The following TM9SF4 variants were observed in gnomAD, a reference collection of about 807,000 sequenced individuals.
TM9SF4 encodes the protein dinucleotide oxidase disulfide thiol exchanger 3 superfamily member 4.
In TM9SF4, 26 loss-of-function variants were observed where a neutral mutation model predicts 90.4. The observed-to-expected ratio is 0.29, with a 90% CI of 0.21 to 0.40. The LOEUF (loss-of-function observed/expected upper bound fraction) is 0.40. Ranked by LOEUF, TM9SF4 falls within the 10% of genes least tolerant of loss-of-function variation. The pLI is 1.00. For synonymous variants in TM9SF4, 293 were observed against 315.4 expected, an observed-to-expected ratio of 0.93 and a Z score of 0.75; for missense variants, 549 against 834.8, an observed-to-expected ratio of 0.66 and a Z score of 4.22.
intron 15 of TM9SF4, among the ~76,000 whole-genome samples, chr20:32,158,937 G>A (rs959573292): frequency 8.6e-5 from 13 of 151,082 alleles, no homozygotes; most frequent in East Asian, 1.9e-4. Flanking sequence ...AGCCAAGATC[G>A]CGCCACTGCA....
At position 32,149,640 on chromosome 20, in the gene TM9SF4, A is replaced by G; in HGVS notation, c.961A>G (p.Thr321Ala). The part of the protein sequence containing the change: ...NYNKEDDIED[T>A]MEESGWKLVH... The stretch of plus-strand genomic sequence containing the variant: ...CTCTGGCCCTTCGCTGCAGGAAGAC[A>G]CCATGGAGGAGTCTGGGTGGAAGTT... The change falls in exon 10 of 18, where the codon ACC becomes GCC. Residue 321 changes from threonine to alanine, a missense_variant. By Grantham distance (58) the Thr-to-Ala change is moderately conservative. This residue lies in a region of TM9SF4 where 495 missense variants were observed against 711.7 expected (regional missense o/e 0.70). Coordinates refer to ENST00000398022, the MANE Select transcript of TM9SF4 (RefSeq NM_014742.4). 2 of 1,614,124 alleles carry G rather than the reference A, an allele frequency of 1.2e-6. No individual in the cohort carries two copies. Among genetic ancestry groups the G allele is most frequent in the Non-Finnish European group, 1.7e-6 (2 of 1,180,016 alleles).
At position 32,123,866 on chromosome 20, in the gene TM9SF4, A is replaced by ATATATATTT; in HGVS notation, c.16-9146_16-9145insATATATTTT. Among the ~76,000 whole-genome samples the ATATATATTT allele has an allele frequency of 2.7e-4, 25 of 93,956 alleles. 1 individual carries two copies. Among genetic ancestry groups the ATATATATTT allele is most frequent in the East Asian group, 7.4e-4 (1 of 1,360 alleles). 61.6% of individuals were successfully genotyped at this position (93,956 alleles called of 152,430 possible). A position where few individuals can be genotyped will look rare whatever the true frequency, so the allele number is the denominator to read the frequency against. ...CTCTCATATATATATATATATATAT[A>ATATATATTT]TTTTTTTTTTTAAAGAGATAGGGTC... is the stretch of plus-strand genomic sequence containing the variant. On this transcript the variant is annotated intron_variant, in intron 1 of 17. Coordinates refer to ENST00000398022, the MANE Select transcript of TM9SF4 (RefSeq NM_014742.4).
chr20:32,150,743 C>T (rs1041269154), intron 11 of TM9SF4, 40 bp downstream of exon 11: 4 of 1,614,102 alleles, frequency 2.5e-6, no homozygotes, highest in Admixed American at 1.7e-5. Flanking sequence ...CGGCACAGGC[C>T]TCCTCCACAC....
Position 32,149,738 on chromosome 20 carries a change from G to A in TM9SF4, c.1059G>A (p.Gln353=). The change falls in exon 10 of 18, where the codon CAG becomes CAA. Residue 353 remains glutamine (Q), a synonymous_variant. Transcript: ENST00000398022. ...GCTCCCTGCTGGGCTCAGGCATTCA[G>A]CTGTTCTGTATGATCCTCATCGTCA... is the stretch of plus-strand genomic sequence containing the variant. ...ILSSLLGSGI[Q]LFCMILIVIF... is the part of the protein sequence containing the mutation. 6.2e-7 allele frequency: 1 copy of A among 1,614,212 alleles called. No individual in the cohort carries two copies. Among genetic ancestry groups the A allele is most frequent in the Non-Finnish European group, 8.5e-7 (1 of 1,180,038 alleles).
intron 16 of TM9SF4, 21 bp from the exon 17 acceptor site, chr20:32,161,255 C>G (rs1270923214): frequency 3.7e-6 from 6 of 1,610,952 alleles, no homozygotes; most frequent in Non-Finnish European, 5.1e-6. Context: ...CAACACTGAC[C>G]TTCCTCTGTT....
intron 2 of TM9SF4, among the ~76,000 whole-genome samples, chr20:32,134,001 AT>A (rs1197920836): frequency 6.9e-6 from 1 of 145,948 alleles, no homozygotes; most frequent in Non-Finnish European, 1.5e-5. Flanking sequence ...TTAAGTAGAG[AT>A]GAGGTCTCAC....
intron 13 of TM9SF4, among the ~76,000 whole-genome samples, chr20:32,156,132 A>G (rs1375801024): frequency 1.3e-5 from 2 of 152,222 alleles, no homozygotes; most frequent in African/African-American, 4.8e-5. Flanking sequence ...CTTTTTATAG[A>G]TATACTTACA....
At chr20:32,122,122 A>C (rs1600784297) in intron 1 of TM9SF4, among the ~76,000 whole-genome samples, 2 of 105,530 alleles carry the variant, frequency 1.9e-5, no homozygotes, top group African/African-American at 4.0e-5. Flanking sequence ...GGCGCCCCTC[A>C]CCTCCCAGAC....
rs1056087197 is a variant in TM9SF4, at chr20:32,165,589, G to C, written c.*145G>C. 4.1e-6 allele frequency: 4 copies of C among 964,122 alleles called. No individual in the cohort carries two copies. The highest frequency in any genetic ancestry group is 3.1e-4 in the Middle Eastern group (1 of 3,200). The allele number at this position is 964,122 out of a possible 1,614,324, so 59.7% of individuals were successfully genotyped here. On this transcript the variant is annotated 3_prime_UTR_variant, in exon 18 of 18. Transcript: ENST00000398022. ...GTGTTCCTGGATCCTGGGGCTGCGT[G>C]GGGGGCGGGAGGGCCTGTAGATAAT...
At chr20:32,145,258 T>G (rs2046746896) in intron 7 of TM9SF4, 49 bp downstream of exon 7, 1 of 1,612,734 alleles carries the variant, frequency 6.2e-7, no homozygotes, top group African/African-American at 1.3e-5. Context: ...CTCTGGTCTG[T>G]GTCAGGTTCT....
intron 6 of TM9SF4, among the ~76,000 whole-genome samples, chr20:32,144,806 C>T (rs548473616): frequency 7.2e-5 from 11 of 152,190 alleles, no homozygotes; most frequent in East Asian, 1.9e-4. Context: ...CCAGCTACTC[C>T]GGAAGCTGAA....
At chr20:32,164,766 C>A (rs1463525398) in intron 17 of TM9SF4, among the ~76,000 whole-genome samples, 1 of 152,178 alleles carries the variant, frequency 6.6e-6, no homozygotes, top group Admixed American at 6.5e-5. Flanking sequence ...CACAGATCCC[C>A]AGCATCTCTG....
At chr20:32,161,899 A>G (rs964155264) in intron 17 of TM9SF4, among the ~76,000 whole-genome samples, 3 of 152,172 alleles carry the variant, frequency 2.0e-5, no homozygotes, top group Admixed American at 1.3e-4. Context: ...AGGATGGGAA[A>G]GTTTTTCACA....
At chr20:32,156,360 C>T (rs1247363823) in intron 13 of TM9SF4, among the ~76,000 whole-genome samples, 1 of 152,134 alleles carries the variant, frequency 6.6e-6, no homozygotes, top group Non-Finnish European at 1.5e-5. Context: ...TTGGTATAGG[C>T]CTTTCCAGGC....
In TM9SF4 at chr20:32,141,777, A is replaced by G; in HGVS notation, c.410A>G (p.Asn137Ser). ...CCTTCACTTTCCAGCATTGCTGACA[A>G]CCTGCCTGTGGCCACCCGGCTGGAG... Reference protein sequence around the residue: ...EDYYVHLIADNLPVATRLELY... With the variant: ...EDYYVHLIADSLPVATRLELY... Residue 137 changes from asparagine to serine, a missense_variant, in exon 5 of 18, where the codon AAC becomes AGC. This residue lies in a region of TM9SF4 where 495 missense variants were observed against 711.7 expected (regional missense o/e 0.70). Transcript: ENST00000398022. 1 of 1,614,104 alleles carries G rather than the reference A, an allele frequency of 6.2e-7. No homozygotes were observed. The highest frequency in any genetic ancestry group is 8.5e-7 in the Non-Finnish European group (1 of 1,180,014).
At chr20:32,113,400 T>A (rs903594498) in intron 1 of TM9SF4, among the ~76,000 whole-genome samples, 3 of 152,170 alleles carry the variant, frequency 2.0e-5, no homozygotes, top group African/African-American at 7.2e-5. Context: ...CCTGTCTTCT[T>A]CCATCCTTAG....
At chr20:32,115,767 A>T (rs1007403638) in intron 1 of TM9SF4, among the ~76,000 whole-genome samples, 4 of 146,752 alleles carry the variant, frequency 2.7e-5, no homozygotes, top group African/African-American at 1.0e-4. Flanking sequence ...CTTATATTAA[A>T]ATTTTTTATT....
chr20:32,120,435 T>G (rs1353559206), intron 1 of TM9SF4, among the ~76,000 whole-genome samples: 2 of 150,596 alleles, frequency 1.3e-5, no homozygotes, highest in African/African-American at 4.9e-5. Context: ...TGGATTGTTG[T>G]TGCTAGTATG....
intron 1 of TM9SF4, among the ~76,000 whole-genome samples, chr20:32,120,402 T>TG (rs1424374988): frequency 7.9e-5 from 12 of 151,374 alleles, no homozygotes; most frequent in African/African-American, 1.9e-4. Context: ...TGCGTTTTTT[T>TG]TTTTTTTTTT....
Sources: gnomAD v4.1 joint callset for allele counts (sites outside exome capture counted in the v4.1 genomes callset) on GRCh38, gnomAD v4.1.1 for gene constraint, gnomAD v4.1.1 regional missense constraint, MANE v1.5 for transcripts, NCBI Gene and HGNC (gene_info 2026-07-23, HGNC 2026-07-21) for gene names.